PROX1: variants seen among roughly 807,000 people sequenced by gnomAD.
PROX1 encodes prospero homeobox 1, also known as prospero homeobox protein 1.
A neutral mutation model predicts 58.8 loss-of-function variants in PROX1; 7 were observed. The observed-to-expected ratio is 0.12, with a 90% confidence interval of 0.07 to 0.22. PROX1 has a LOEUF of 0.22. PROX1 is among the 10% of genes least tolerant of loss of function. PROX1 has a pLI of 1.00. For missense variants in PROX1, 675 were observed against 927.8 expected (o/e 0.73, Z 3.54); for synonymous variants, 350 against 358.3 (o/e 0.98, Z 0.26).
chr1:214,001,488 C>T (rs1018058854), intron 2 of PROX1, among the ~76,000 whole-genome samples: 6 of 152,290 alleles, frequency 3.9e-5, no homozygotes, highest in African/African-American at 1.4e-4. Flanking sequence ...AGGCCCCAAA[C>T]ATTTGCATGC....
At chr1:214,034,058 A>C (rs1460707146) in intron 4 of PROX1, among the ~76,000 whole-genome samples, 4 of 152,216 alleles carry the variant, frequency 2.6e-5, no homozygotes, top group Admixed American at 2.6e-4. Flanking sequence ...GGGTCTGATA[A>C]AAATGTAAGC....
At chr1:213,994,802 T>TATATATATATATATAA in intron 1 of PROX1, among the ~76,000 whole-genome samples, 1 of 120,816 alleles carries the variant, frequency 8.3e-6, no homozygotes, top group South Asian at 2.8e-4. Context: ...TATATATATA[T>TATATATATATATATAA]AAAGAGGTAT....
At chr1:214,033,816 A>C (rs1385628833) in intron 4 of PROX1, among the ~76,000 whole-genome samples, 1 of 152,152 alleles carries the variant, frequency 6.6e-6, no homozygotes, top group Non-Finnish European at 1.5e-5. Flanking sequence ...TATTTGTATA[A>C]TGTGAGTGGG....
Position 213,988,406 on chromosome 1 carries a change from A to T in PROX1, c.-145A>T, listed in dbSNP as rs1029834351. On this transcript the variant is annotated 5_prime_UTR_variant, in exon 1 of 5. Coordinates refer to ENST00000366958, the MANE Select transcript of PROX1 (RefSeq NM_001270616.2). ...TGTTTTCCTCTCTCTGCCGGGGGAA[A>T]AAAAAGAGAGAGAGAGAGATAGAGA... The T allele has an allele frequency of 1.8e-5, 2 of 108,742 alleles. No homozygotes were observed. The highest frequency in any genetic ancestry group is 5.9e-5 in the African/African-American group (2 of 33,784). The allele number at this position is 108,742 out of a possible 1,614,324, so 6.7% of individuals were successfully genotyped here. A position where few individuals can be genotyped will look rare whatever the true frequency, so the allele number is the denominator to read the frequency against.
chr1:214,038,649 G>GA lies in PROX1; in HGVS notation c.*2815_*2816insA, dbSNP rs1664906823. On this transcript the variant is annotated 3_prime_UTR_variant, in exon 5 of 5. Coordinates refer to ENST00000366958, the MANE Select transcript of PROX1 (RefSeq NM_001270616.2). ...TAGACCTAAAATGCACCAGCGGGGG[G>GA]GATTTTAAAAAATCCTTCAAAATAC... 6.6e-6 allele frequency: 1 copy of GA among 152,028 alleles called. No homozygotes were observed. The highest frequency in any genetic ancestry group is 1.5e-5 in the Non-Finnish European group (1 of 68,006). The allele number at this position is 152,028 out of a possible 1,614,324, so 9.4% of individuals were successfully genotyped here. A position where few individuals can be genotyped will look rare whatever the true frequency, so the allele number is the denominator to read the frequency against.
At chr1:213,995,836 G>A (rs754182062) in intron 1 of PROX1, among the ~76,000 whole-genome samples, 3 of 152,070 alleles carry the variant, frequency 2.0e-5, no homozygotes, top group Non-Finnish European at 4.4e-5. Flanking sequence ...TGACTATTGT[G>A]CATTTATTTC....
At chr1:214,020,271 A>G (rs566136305) in intron 4 of PROX1, among the ~76,000 whole-genome samples, 5 of 151,820 alleles carry the variant, frequency 3.3e-5, no homozygotes, top group Non-Finnish European at 7.4e-5. Flanking sequence ...GCATTGCCAC[A>G]TTTTACCAAT....
intron 4 of PROX1, chr1:214,029,332 C>T (rs1463012072): frequency 4.6e-5 from 7 of 152,142 alleles, no homozygotes; most frequent in South Asian, 4.1e-4. Context: ...ATCATTATAC[C>T]GTTAAGGAGC....
intron 4 of PROX1, among the ~76,000 whole-genome samples, 193 bp downstream of exon 4, chr1:214,011,908 AT>A (rs555056302): frequency 6.6e-6 from 1 of 152,036 alleles, no homozygotes; most frequent in Non-Finnish European, 1.5e-5. Context: ...ACCCACTGCC[AT>A]TTTTTCCCCA....
intron 4 of PROX1, among the ~76,000 whole-genome samples, chr1:214,018,147 C>T (rs1448406256): frequency 6.6e-6 from 1 of 152,148 alleles, no homozygotes; most frequent in Non-Finnish European, 1.5e-5. Flanking sequence ...AGTTGGCCAC[C>T]CCTTTTCACA....
At chr1:214,015,132 C>T (rs1228032243) in intron 4 of PROX1, among the ~76,000 whole-genome samples, 1 of 152,008 alleles carries the variant, frequency 6.6e-6, no homozygotes, top group Non-Finnish European at 1.5e-5. Context: ...GGGTGGTGAG[C>T]GTTTGAGAAG....
intron 2 of PROX1, among the ~76,000 whole-genome samples, chr1:214,002,097 G>T (rs376303532): frequency 1.3e-5 from 2 of 152,170 alleles, no homozygotes; most frequent in Non-Finnish European, 2.9e-5. Context: ...CAACCCATTT[G>T]CTGGGAACTG....
upstream of PROX1, chr1:213,985,256 C>G (rs1342322000): frequency 2.0e-5 from 3 of 152,232 alleles, no homozygotes; most frequent in East Asian, 5.8e-4. Context: ...GGCTTCTCCC[C>G]TATCAGAAAA....
chr1:213,992,555 G>C lies in PROX1; in HGVS notation c.-67-3914G>C, dbSNP rs576751769. Reference sequence around the variant, plus strand: ...TATCCTATTTGAAATTTCATAACCAGGTTGACCCAAGTAGATTAGAGGCCC... The same window carrying C: ...TATCCTATTTGAAATTTCATAACCACGTTGACCCAAGTAGATTAGAGGCCC... On this transcript the variant is annotated intron_variant, in intron 1 of 4. Coordinates refer to ENST00000366958, the MANE Select transcript of PROX1 (RefSeq NM_001270616.2). 1.5e-4 allele frequency among the ~76,000 whole-genome samples: 23 copies of C among 152,178 alleles called. No homozygotes were observed. In the East Asian group the frequency reaches 4.0e-3, roughly 27 times the overall value.
At chr1:214,009,245 G>A (rs1051432332) in intron 3 of PROX1, among the ~76,000 whole-genome samples, 3 of 152,150 alleles carry the variant, frequency 2.0e-5, no homozygotes, top group Admixed American at 6.5e-5. Flanking sequence ...GAGATGTCCC[G>A]TGGGAAGCAT....
At chr1:213,999,506 G>A (rs188905560) in intron 2 of PROX1, among the ~76,000 whole-genome samples, 1 of 152,180 alleles carries the variant, frequency 6.6e-6, no homozygotes, top group Non-Finnish European at 1.5e-5. Context: ...TTCCTGGTTA[G>A]TGGAGGTCGT....
chr1:214,025,828 A>AT (rs1001399557), intron 4 of PROX1, among the ~76,000 whole-genome samples: 18 of 152,034 alleles, frequency 1.2e-4, no homozygotes, highest in African/African-American at 4.1e-4. Flanking sequence ...CGCCCGGCTA[A>AT]TTTTTTTGTA....
At chr1:214,020,867 T>C (rs77245845) in intron 4 of PROX1, among the ~76,000 whole-genome samples, 4,144 of 152,304 alleles carry the variant, frequency 0.027, 197 homozygotes, top group African/African-American at 0.092. Context: ...TGAATTGTAA[T>C]TTGAAATTCA....
chr1:214,017,114 A>C (rs1664123435), intron 4 of PROX1, among the ~76,000 whole-genome samples: 1 of 152,174 alleles, frequency 6.6e-6, no homozygotes, highest in Non-Finnish European at 1.5e-5. Flanking sequence ...ATAATTATAC[A>C]GCTTTCAATA....
Sources: allele counts gnomAD v4.1 joint callset (sites outside exome capture counted in the v4.1 genomes callset), GRCh38; gene constraint gnomAD v4.1.1; transcripts MANE v1.5; gene names NCBI Gene and HGNC (gene_info 2026-07-23, HGNC 2026-07-21).